NR3C1: variants seen among roughly 807,000 people sequenced by gnomAD.
The protein encoded by NR3C1 is nuclear receptor subfamily 3 group C member 1.
Under a neutral mutation model 74.0 loss-of-function variants are expected in NR3C1, and 14 were observed. That is an observed-to-expected ratio of 0.19 (90% CI 0.12 to 0.30). The LOEUF is 0.30. Among genes scored for constraint, NR3C1 ranks in the 10% least tolerant of loss-of-function variants. The probability of loss-of-function intolerance (pLI) is 1.00; values close to 1 mark genes in which losing one functional copy is unlikely to be tolerated. For missense variants in NR3C1, 695 were observed against 909.8 expected (o/e 0.76, Z 3.04); for synonymous variants, 308 against 332.5 (o/e 0.93, Z 0.80).
At chr5:143,371,105 A>C (rs1239995286) in intron 2 of NR3C1, among the ~76,000 whole-genome samples, 4 of 152,178 alleles carry the variant, frequency 2.6e-5, no homozygotes, top group Non-Finnish European at 5.9e-5. Flanking sequence ...AGACCAGAAA[A>C]GGGGGAAATT....
At chr5:143,325,053 T>C (rs1312263439) in intron 2 of NR3C1, among the ~76,000 whole-genome samples, 1 of 152,224 alleles carries the variant, frequency 6.6e-6, no homozygotes, top group Non-Finnish European at 1.5e-5. Flanking sequence ...CCCGTCTTCT[T>C]CTGAGTCCTC....
chr5:143,432,817 T>G (rs1212404749), intron 1 of NR3C1, among the ~76,000 whole-genome samples: 1 of 152,172 alleles, frequency 6.6e-6, no homozygotes, highest in African/African-American at 2.4e-5. Flanking sequence ...ATAGAAAGTT[T>G]ATCTTTAGAG....
intron 1 of NR3C1, among the ~76,000 whole-genome samples, chr5:143,430,848 C>T (rs758824175): frequency 6.6e-5 from 10 of 152,146 alleles, no homozygotes; most frequent in Non-Finnish European, 1.3e-4. Flanking sequence ...GATGCTAATA[C>T]CCTGCCCTTC....
chr5:143,339,849 C>CA (rs1561610462), intron 2 of NR3C1, among the ~76,000 whole-genome samples: 1 of 151,998 alleles, frequency 6.6e-6, no homozygotes, highest in Non-Finnish European at 1.5e-5. Context: ...TTGAAGAACA[C>CA]AGAGAAAAAG....
At position 143,357,407 on chromosome 5, in the gene NR3C1, T is replaced by C. The variant is rs368446240; in HGVS notation, c.1184+42249A>G. ...TATATATGGTATACAAAATTGAGCA[T>C]AGCAACATGAGAAAGCTGAAATTGG... On this transcript the variant is annotated intron_variant, in intron 2 of 8. Coordinates refer to ENST00000394464, the MANE Select transcript of NR3C1 (RefSeq NM_000176.3). Among the ~76,000 whole-genome samples, 10 of 152,250 alleles carry C rather than the reference T, an allele frequency of 6.6e-5. No individual in the cohort carries two copies. In the South Asian group the frequency reaches 8.3e-4, roughly 13 times the overall value.
chr5:143,333,104 C>T (rs1406428254), intron 2 of NR3C1: 14 of 1,594,020 alleles, frequency 8.8e-6, no homozygotes. Flanking sequence ...TCCAGGAGAT[C>T]TCATGGTTCT....
At chr5:143,381,219 A>G (rs1250204072) in intron 2 of NR3C1, among the ~76,000 whole-genome samples, 1 of 152,124 alleles carries the variant, frequency 6.6e-6, no homozygotes, top group Non-Finnish European at 1.5e-5. Flanking sequence ...AACACCTAGG[A>G]ATAAACTCAA....
intron 2 of NR3C1, among the ~76,000 whole-genome samples, chr5:143,361,391 T>G (rs961033231): frequency 6.6e-6 from 1 of 152,258 alleles, no homozygotes; most frequent in African/African-American, 2.4e-5. Context: ...TACTTTCCAT[T>G]GATTTCTCTA....
Position 143,399,764 on chromosome 5 carries a change from A to C in NR3C1, c.1076T>G (p.Val359Gly), listed in dbSNP as rs763622005. ...PIFNVIPPIP[V>G]GSENWNRCQG... is the part of the protein sequence containing the mutation. ...GCACCTATTCCAATTTTCGGAACCA[A>C]CGGGAATTGGTGGAATGACATTAAA... is the stretch of plus-strand genomic sequence containing the variant. Residue 359 changes from valine (V) to glycine (G), a missense_variant, in exon 2 of 9, where the codon GTT becomes GGT. Around this residue, in one of 4 missense-constraint regions of NR3C1, gnomAD observed 497 missense variants for 489.5 expected, o/e 1.02. Transcript: ENST00000394464. 3.7e-6 allele frequency: 6 copies of C among 1,614,200 alleles called. No homozygotes were observed. Among genetic ancestry groups the C allele is most frequent in the Non-Finnish European group, 4.2e-6 (5 of 1,180,032 alleles).
intron 2 of NR3C1, among the ~76,000 whole-genome samples, chr5:143,387,577 CCT>C (rs1384558862): frequency 6.6e-6 from 1 of 152,144 alleles, no homozygotes; most frequent in Non-Finnish European, 1.5e-5. Context: ...TTGTCCCTCC[CCT>C]CTTTTTTCCT....
chr5:143,422,717 C>T (rs888764914), intron 1 of NR3C1, among the ~76,000 whole-genome samples: 2 of 152,182 alleles, frequency 1.3e-5, no homozygotes, highest in South Asian at 4.1e-4. Context: ...CATGGACTTC[C>T]CAGTCACTAG....
At chr5:143,422,436 T>A (rs1179762296) in intron 1 of NR3C1, among the ~76,000 whole-genome samples, 2 of 152,034 alleles carry the variant, frequency 1.3e-5, no homozygotes, top group Non-Finnish European at 2.9e-5. Flanking sequence ...AAAATGGGGG[T>A]GCTATGTTCT....
intron 1 of NR3C1, among the ~76,000 whole-genome samples, chr5:143,429,213 A>T (rs1056183547): frequency 3.9e-5 from 6 of 152,218 alleles, no homozygotes; most frequent in African/African-American, 1.4e-4. Flanking sequence ...ATAGATGAGG[A>T]AACTAAGGAG....
At chr5:143,304,166 GA>G (rs1819090775) in intron 4 of NR3C1, among the ~76,000 whole-genome samples, 1 of 151,972 alleles carries the variant, frequency 6.6e-6, no homozygotes, top group Admixed American at 6.6e-5. Flanking sequence ...AGAAAACCCT[GA>G]AGACTCTGTC....
Position 143,280,536 on chromosome 5 carries a change from C to G in NR3C1, c.*1353G>C, listed in dbSNP as rs1403811545. ...CACACAGAAAGGGCTACTACAGCTT[C>G]TATTTTGTTTAAAATAATTTTCAAC... On this transcript the variant is annotated 3_prime_UTR_variant, in exon 9 of 9. Transcript: ENST00000394464. 1.3e-5 allele frequency: 2 copies of G among 152,568 alleles called. No individual in the cohort carries two copies. The highest frequency in any genetic ancestry group is 2.9e-5 in the Non-Finnish European group (2 of 68,018). The allele number at this position is 152,568 out of a possible 1,614,324, so 9.5% of individuals were successfully genotyped here. A position where few individuals can be genotyped will look rare whatever the true frequency, so the allele number is the denominator to read the frequency against.
chr5:143,389,153 C>A (rs1220150712), intron 2 of NR3C1, among the ~76,000 whole-genome samples: 2 of 152,168 alleles, frequency 1.3e-5, no homozygotes, highest in African/African-American at 4.8e-5. Flanking sequence ...TTTCAAAAAG[C>A]AAACTGAGGG....
At chr5:143,363,329 C>T (rs1561674655) in intron 2 of NR3C1, among the ~76,000 whole-genome samples, 1 of 152,114 alleles carries the variant, frequency 6.6e-6, no homozygotes, top group Non-Finnish European at 1.5e-5. Flanking sequence ...GTCTGACTGC[C>T]AGAGTTGTTA....
rs182028982 is a variant in NR3C1 at position 143,318,660 on chromosome 5, T to C, written c.1185-4492A>G. Among the ~76,000 whole-genome samples the C allele has an allele frequency of 5.9e-5, 9 of 152,316 alleles. No homozygotes were observed. In the East Asian group the frequency reaches 1.5e-3, roughly 26 times the overall value. On this transcript the variant is annotated intron_variant, in intron 2 of 8. Coordinates refer to ENST00000394464, the MANE Select transcript of NR3C1 (RefSeq NM_000176.3). Reference sequence around the variant, plus strand: ...AAAGTGCTAAGTTTACTTCAGTCATTTTTGGGAAAACATCGCCAAATACCC... The same window carrying C: ...AAAGTGCTAAGTTTACTTCAGTCATCTTTGGGAAAACATCGCCAAATACCC...
At chr5:143,370,841 A>G (rs111661869) in intron 2 of NR3C1, among the ~76,000 whole-genome samples, 20 of 152,322 alleles carry the variant, frequency 1.3e-4, no homozygotes, top group African/African-American at 4.3e-4. Flanking sequence ...AGGTCTGTAT[A>G]AAAGCAAGAT....
Sources: allele counts gnomAD v4.1 joint callset (sites outside exome capture counted in the v4.1 genomes callset), GRCh38; gene constraint gnomAD v4.1.1; regional missense constraint gnomAD v4.1.1; transcripts MANE v1.5; gene names NCBI Gene and HGNC (gene_info 2026-07-23, HGNC 2026-07-21).